The following NALF1 variants were observed in gnomAD, a reference collection of about 807,000 sequenced individuals.
The protein encoded by NALF1 is NALCN channel auxiliary factor 1.
Under a neutral mutation model 48.4 loss-of-function variants are expected in NALF1, and 3 were observed. That is an observed-to-expected ratio of 0.06 (90% CI 0.03 to 0.16). The LOEUF (loss-of-function observed/expected upper bound fraction) is 0.16. NALF1 is among the 10% of genes least tolerant of loss of function. The pLI is 1.00. For missense variants in NALF1, 526 were observed against 571.5 expected, an observed-to-expected ratio of 0.92 and a Z score of 0.81; for synonymous variants, 262 against 245.7, an observed-to-expected ratio of 1.07 and a Z score of -0.62.
intron 1 of NALF1, among the ~76,000 whole-genome samples, chr13:107,245,076 G>C (rs779917489): frequency 5.9e-5 from 9 of 152,108 alleles, no homozygotes; most frequent in Non-Finnish European, 1.0e-4. Flanking sequence ...TTTTAGTTTT[G>C]AGGTACCAGA....
chr13:107,675,819 G>A lies in NALF1; in HGVS notation c.915+189863C>T, dbSNP rs564377352. ...CTATTATAGAGCCAATCCAGATGAG[G>A]CAAGGAATGTCACTCATACATGGGG... On this transcript the variant is annotated intron_variant, in intron 1 of 2. Transcript: ENST00000375915. Among the ~76,000 whole-genome samples the A allele has an allele frequency of 2.0e-5, 3 of 152,246 alleles. No individual in the cohort carries two copies. The East Asian group carries it at 5.8e-4, about 29-fold the overall frequency.
At chr13:107,351,122 A>G (rs142580900) in intron 1 of NALF1, among the ~76,000 whole-genome samples, 1 of 152,354 alleles carries the variant, frequency 6.6e-6, no homozygotes, top group East Asian at 1.9e-4. Flanking sequence ...TTTGCATAAC[A>G]AAGTCTGGTG....
At chr13:107,392,096 G>A (rs1328212864) in intron 1 of NALF1, among the ~76,000 whole-genome samples, 1 of 152,052 alleles carries the variant, frequency 6.6e-6, no homozygotes, top group East Asian at 1.9e-4. Context: ...AATTGTGACT[G>A]CTCCCTGCCT....
At chr13:107,665,439 A>C (rs1880833033) in intron 1 of NALF1, among the ~76,000 whole-genome samples, 1 of 152,182 alleles carries the variant, frequency 6.6e-6, no homozygotes, top group African/African-American at 2.4e-5. Context: ...CAGGCACTGT[A>C]AGTATTGTAC....
In NALF1 at chr13:107,591,723, A is replaced by C. The variant is rs9559080; in HGVS notation, c.915+273959T>G. Among the ~76,000 whole-genome samples, 3,748 of 152,096 alleles carry C rather than the reference A, an allele frequency of 0.025. 219 individuals carry two copies. In the East Asian group the frequency reaches 0.26, roughly 11 times the overall value. On this transcript the variant is annotated intron_variant, in intron 1 of 2. Coordinates refer to ENST00000375915, the MANE Select transcript of NALF1 (RefSeq NM_001080396.3). ...CAAAGTATGAAAGAAAACTTTGTGA[A>C]TGATTCTCAGTATTTGCTTTTCAAA...
intron 1 of NALF1, among the ~76,000 whole-genome samples, chr13:107,687,806 C>G (rs892126420): frequency 9.9e-5 from 15 of 152,278 alleles, no homozygotes; most frequent in African/African-American, 2.6e-4. Flanking sequence ...GTCAATTGCA[C>G]TAGCCATATG....
At chr13:107,583,901 C>T (rs1878380080) in intron 1 of NALF1, among the ~76,000 whole-genome samples, 1 of 152,080 alleles carries the variant, frequency 6.6e-6, no homozygotes, top group South Asian at 2.1e-4. Flanking sequence ...TAACTTTCTT[C>T]TTTGGCTCCC....
At position 107,169,024 on chromosome 13, in the gene NALF1, TCTTC is replaced by T. The variant is rs1367712960; in HGVS notation, c.*1469_*1472del. On this transcript the variant is annotated 3_prime_UTR_variant, in exon 3 of 3. Coordinates refer to ENST00000375915, the MANE Select transcript of NALF1 (RefSeq NM_001080396.3). ...TTTTTTAAAAACAGCCCTTATTAAC[TCTTC>T]CTTCCACTGATTCTACTGTAAACTC... 6.6e-6 allele frequency: 1 copy of T among 152,618 alleles called. No homozygotes were observed. Among genetic ancestry groups the T allele is most frequent in the Non-Finnish European group, 1.5e-5 (1 of 68,040 alleles). 9.5% of individuals were successfully genotyped at this position (152,618 alleles called of 1,614,324 possible).
chr13:107,808,184 T>G (rs974290846), intron 1 of NALF1, among the ~76,000 whole-genome samples: 1 of 152,054 alleles, frequency 6.6e-6, no homozygotes, highest in Non-Finnish European at 1.5e-5. Flanking sequence ...TTTTGTAAGG[T>G]TGCAGTAGCC....
chr13:107,770,486 T>G (rs1172885036), intron 1 of NALF1, among the ~76,000 whole-genome samples: 1 of 152,212 alleles, frequency 6.6e-6, no homozygotes, highest in Non-Finnish European at 1.5e-5. Context: ...TATTATTAAA[T>G]AAGAGCTCTA....
chr13:107,685,990 G>A (rs1881424293), intron 1 of NALF1, among the ~76,000 whole-genome samples: 1 of 152,218 alleles, frequency 6.6e-6, no homozygotes, highest in Admixed American at 6.5e-5. Context: ...TATCATTTAC[G>A]ATGGTGCCAT....
intron 1 of NALF1, among the ~76,000 whole-genome samples, chr13:107,757,870 G>C (rs1877156567): frequency 6.6e-6 from 1 of 152,052 alleles, no homozygotes; most frequent in Non-Finnish European, 1.5e-5. Flanking sequence ...ATCATCTTGA[G>C]TTTTGTAATT....
intron 1 of NALF1, among the ~76,000 whole-genome samples, chr13:107,354,059 C>G (rs1178059853): frequency 6.6e-6 from 1 of 152,152 alleles, no homozygotes; most frequent in Non-Finnish European, 1.5e-5. Flanking sequence ...AAATCAGAAG[C>G]TGAGTCCCCT....
At chr13:107,271,822 A>ATT in intron 1 of NALF1, among the ~76,000 whole-genome samples, 1 of 124,466 alleles carries the variant, frequency 8.0e-6, no homozygotes, top group Non-Finnish European at 1.7e-5. Flanking sequence ...ATATATTTAT[A>ATT]TATTTATATA....
At chr13:107,818,599 G>A (rs1029776555) in intron 1 of NALF1, among the ~76,000 whole-genome samples, 18 of 150,946 alleles carry the variant, frequency 1.2e-4, no homozygotes, top group East Asian at 8.0e-4. Context: ...GAGGCCGGGC[G>A]CGGTGGCTCA....
chr13:107,203,251 C>T (rs980078118), intron 2 of NALF1, among the ~76,000 whole-genome samples: 1 of 152,178 alleles, frequency 6.6e-6, no homozygotes, highest in East Asian at 1.9e-4. Context: ...TTTGGCTTCC[C>T]GCTTTGACAG....
intron 1 of NALF1, among the ~76,000 whole-genome samples, chr13:107,488,235 T>C (rs1223111495): frequency 6.6e-6 from 1 of 151,986 alleles, no homozygotes; most frequent in African/African-American, 2.4e-5. Flanking sequence ...CCTGAATTCA[T>C]TGATCTTTTG....
chr13:107,273,429 G>T (rs1272350582), intron 1 of NALF1, among the ~76,000 whole-genome samples: 1 of 152,122 alleles, frequency 6.6e-6, no homozygotes, highest in Non-Finnish European at 1.5e-5. Flanking sequence ...TTTGTTACAG[G>T]TGCCTCAGCC....
intron 1 of NALF1, among the ~76,000 whole-genome samples, chr13:107,517,200 T>C (rs865986274): frequency 6.6e-5 from 10 of 152,090 alleles, no homozygotes; most frequent in South Asian, 4.1e-4. Context: ...GAAAATAGAG[T>C]TTAAAATATC....
Sources: gnomAD v4.1 joint callset for allele counts (sites outside exome capture counted in the v4.1 genomes callset) on GRCh38, gnomAD v4.1.1 for gene constraint, MANE v1.5 for transcripts, NCBI Gene and HGNC (gene_info 2026-07-23, HGNC 2026-07-21) for gene names.